The following TMEM131 variants were observed in gnomAD, a reference collection of about 807,000 sequenced individuals.
The protein encoded by TMEM131 is 2610524E03Rik.
In TMEM131, 66 loss-of-function variants were observed where a neutral mutation model predicts 211.6. That is an observed-to-expected ratio of 0.31 (90% CI 0.26 to 0.38). The LOEUF is 0.38. TMEM131 is among the 10% of genes least tolerant of loss of function. The probability of loss-of-function intolerance (pLI) is 1.00; values close to 1 mark genes in which losing one functional copy is unlikely to be tolerated. For missense variants in TMEM131, 2,036 were observed against 2,299.3 expected (o/e 0.89, Z 2.34); for synonymous variants, 844 against 841.3 (o/e 1.00, Z -0.06).
intron 27 of TMEM131, 88 bp downstream of exon 27, chr2:97,796,756 C>T: frequency 1.5e-6 from 2 of 1,321,276 alleles, no homozygotes; most frequent in East Asian, 4.6e-5. Flanking sequence ...CACAGGTGCA[C>T]ATACAGAAAT....
intron 3 of TMEM131, among the ~76,000 whole-genome samples, chr2:97,889,884 T>C (rs1675310556): frequency 6.6e-6 from 1 of 152,010 alleles, no homozygotes; most frequent in African/African-American, 2.4e-5. Context: ...AACCTCCTAG[T>C]AGGGGGAACA....
intron 2 of TMEM131, among the ~76,000 whole-genome samples, chr2:97,921,214 T>G (rs1334904914): frequency 1.3e-5 from 2 of 152,162 alleles, no homozygotes; most frequent in African/African-American, 4.8e-5. Context: ...CACACATATA[T>G]GGACACTTGA....
At chr2:97,984,123 A>G (rs1014472529) in intron 1 of TMEM131, among the ~76,000 whole-genome samples, 1 of 152,210 alleles carries the variant, frequency 6.6e-6, no homozygotes, top group Non-Finnish European at 1.5e-5. Flanking sequence ...ACTTAGGTCT[A>G]TTACTAGAAT....
intron 23 of TMEM131, 43 bp downstream of exon 23, chr2:97,802,609 C>T: frequency 1.2e-6 from 2 of 1,606,134 alleles, no homozygotes; most frequent in East Asian, 2.2e-5. Flanking sequence ...CTTTATAATC[C>T]TAGTATGTAT....
intron 5 of TMEM131, among the ~76,000 whole-genome samples, chr2:97,851,384 C>T (rs1673622174): frequency 6.6e-6 from 1 of 152,176 alleles, no homozygotes; most frequent in Non-Finnish European, 1.5e-5. Context: ...ATTCTAGAGT[C>T]AATTTTGACT....
intron 17 of TMEM131, among the ~76,000 whole-genome samples, chr2:97,811,991 C>G (rs1681568541): frequency 6.6e-6 from 1 of 152,146 alleles, no homozygotes; most frequent in Non-Finnish European, 1.5e-5. Flanking sequence ...TCACAGTGAT[C>G]AAACAATGTT....
intron 1 of TMEM131, among the ~76,000 whole-genome samples, chr2:97,975,669 A>G (rs962369254): frequency 3.3e-5 from 5 of 152,156 alleles, no homozygotes; most frequent in African/African-American, 1.2e-4. Flanking sequence ...GATGGCTTCA[A>G]TGGTAATTCT....
intron 4 of TMEM131, among the ~76,000 whole-genome samples, chr2:97,860,207 C>T (rs1261808959): frequency 7.2e-5 from 11 of 152,336 alleles, no homozygotes; most frequent in Non-Finnish European, 1.5e-4. Flanking sequence ...CCACTAGTTA[C>T]TAGGTTCCTT....
intron 1 of TMEM131, among the ~76,000 whole-genome samples, chr2:97,959,324 G>C (rs1461315618): frequency 6.6e-6 from 1 of 152,154 alleles, no homozygotes; most frequent in Non-Finnish European, 1.5e-5. Context: ...TGGGGAGGTG[G>C]GGAAGAGCTG....
intron 31 of TMEM131, among the ~76,000 whole-genome samples, chr2:97,780,934 G>A (rs1314488231): frequency 2.0e-5 from 3 of 152,154 alleles, no homozygotes; most frequent in Non-Finnish European, 4.4e-5. Flanking sequence ...GGCAGAGAAG[G>A]AATCTTGGTA....
chr2:97,972,988 G>T (rs2017028), intron 1 of TMEM131, among the ~76,000 whole-genome samples: 113,774 of 152,114 alleles, frequency 0.75, 44,190 homozygotes, highest in African/African-American at 0.87. Context: ...ATAGAGTAGG[G>T]GCCTACAAAC....
chr2:97,837,461 A>T (rs548602575), intron 7 of TMEM131, among the ~76,000 whole-genome samples: 82 of 152,176 alleles, frequency 5.4e-4, no homozygotes, highest in Non-Finnish European at 1.0e-3. Flanking sequence ...TTCCAAAGGG[A>T]ATCACTTACA....
chr2:97,943,384 A>C (rs1021537429), intron 1 of TMEM131, among the ~76,000 whole-genome samples: 6 of 152,260 alleles, frequency 3.9e-5, no homozygotes, highest in Admixed American at 6.5e-5. Context: ...AGATGTTCTT[A>C]TGAATGTGGA....
At chr2:97,836,244 C>T (rs1682934956) in intron 8 of TMEM131, among the ~76,000 whole-genome samples, 1 of 152,164 alleles carries the variant, frequency 6.6e-6, no homozygotes, top group Non-Finnish European at 1.5e-5. Flanking sequence ...ATTCTAAAAA[C>T]ATAATCTCCA....
chr2:97,929,875 G>A (rs1677147460), intron 1 of TMEM131, among the ~76,000 whole-genome samples: 1 of 151,670 alleles, frequency 6.6e-6, no homozygotes, highest in African/African-American at 2.4e-5. Context: ...GGCTTATAGT[G>A]GAATTTCAAT....
chr2:97,930,167 T>C (rs962893368), intron 1 of TMEM131, among the ~76,000 whole-genome samples: 2 of 151,702 alleles, frequency 1.3e-5, no homozygotes, highest in Non-Finnish European at 2.9e-5. Flanking sequence ...ATGTTCACAA[T>C]GTAAAAGACA....
chr2:97,971,255 A>G (rs1679281501), intron 1 of TMEM131, among the ~76,000 whole-genome samples: 1 of 152,204 alleles, frequency 6.6e-6, no homozygotes, highest in East Asian at 1.9e-4. Flanking sequence ...GAAATTGCTG[A>G]CAATGTGGGG....
chr2:97,769,114 T>C (rs779565932), intron 33 of TMEM131, among the ~76,000 whole-genome samples: 9 of 149,788 alleles, frequency 6.0e-5, no homozygotes, highest in Non-Finnish European at 1.3e-4. Context: ...TCCCTAGTAG[T>C]TGGGACTACA....
chr2:97,772,994 G>A (rs1376209348), intron 32 of TMEM131, among the ~76,000 whole-genome samples: 2 of 152,236 alleles, frequency 1.3e-5, no homozygotes, highest in African/African-American at 4.8e-5. Context: ...GGAGATGGTG[G>A]TGGCAGTGGC....
Sources: allele counts gnomAD v4.1 joint callset (sites outside exome capture counted in the v4.1 genomes callset), GRCh38; gene constraint gnomAD v4.1.1; transcripts MANE v1.5; gene names NCBI Gene and HGNC (gene_info 2026-07-23, HGNC 2026-07-21).